Variants in GLIS1 observed in about 807,000 individuals in gnomAD.
GLIS1 encodes GLIS family zinc finger 1, also known as zinc finger protein GLIS1.
A neutral mutation model predicts 63.8 loss-of-function variants in GLIS1; 24 were observed. That is an observed-to-expected ratio of 0.38 (90% CI 0.27 to 0.53). The LOEUF is 0.53. Among genes scored for constraint, GLIS1 ranks in the 20% least tolerant of loss-of-function variants. The pLI, the probability that GLIS1 is intolerant of heterozygous loss-of-function variation, is 0.85. For missense variants in GLIS1, 1,036 were observed against 1,074.1 expected (o/e 0.96, Z 0.50); for synonymous variants, 450 against 482.5 (o/e 0.93, Z 0.88).
chr1:53,584,058 A>G (rs893964807), intron 4 of GLIS1, among the ~76,000 whole-genome samples: 1 of 152,132 alleles, frequency 6.6e-6, no homozygotes, highest in African/African-American at 2.4e-5. Context: ...AGGCCGGTGG[A>G]TCTGTGGAAG....
intron 2 of GLIS1, among the ~76,000 whole-genome samples, chr1:53,634,159 C>T (rs141932687): frequency 6.6e-6 from 1 of 152,088 alleles, no homozygotes; most frequent in African/African-American, 2.4e-5. Context: ...CATCAGGAGC[C>T]GGATGCTGGT....
rs201012924 is a variant in GLIS1, at chr1:53,677,764, TC to T, written c.259+60041del. Among the ~76,000 whole-genome samples, 1,008 of 152,258 alleles carry T rather than the reference TC, an allele frequency of 6.6e-3. 5 individuals are homozygous for T. Among genetic ancestry groups the T allele is most frequent in the Non-Finnish European group, 9.8e-3 (664 of 68,004 alleles). On this transcript the variant is annotated intron_variant, in intron 2 of 10. Coordinates refer to ENST00000628545, the MANE Select transcript of GLIS1 (RefSeq NM_001367484.1). Reference sequence around the variant, plus strand: ...GGGATCTGCCGTGCCTCCTCACCTCTCCCTGCTTCTCTGTCATCACCTCAAG... The same window carrying T: ...GGGATCTGCCGTGCCTCCTCACCTCTCCTGCTTCTCTGTCATCACCTCAAG...
chr1:53,616,753 G>A (rs142789668), intron 2 of GLIS1, among the ~76,000 whole-genome samples: 56 of 152,274 alleles, frequency 3.7e-4, no homozygotes, highest in Middle Eastern at 6.8e-3. Flanking sequence ...AGCTCTCCAG[G>A]AACGGGCACA....
At chr1:53,732,217 T>C (rs1356843986) in intron 2 of GLIS1, among the ~76,000 whole-genome samples, 1 of 152,210 alleles carries the variant, frequency 6.6e-6, no homozygotes, top group African/African-American at 2.4e-5. Flanking sequence ...GGAATAATCC[T>C]TTGGAGTTTA....
intron 2 of GLIS1, among the ~76,000 whole-genome samples, chr1:53,690,071 T>C (rs1175317912): frequency 6.6e-6 from 1 of 152,236 alleles, no homozygotes; most frequent in African/African-American, 2.4e-5. Flanking sequence ...TGATACCTGG[T>C]GGCCTGCCCC....
intron 10 of GLIS1, 71 bp from the exon 11 acceptor site, chr1:53,506,847 A>G: frequency 6.9e-7 from 1 of 1,457,858 alleles, no homozygotes; most frequent in Non-Finnish European, 9.3e-7. Context: ...TCCCAGTTCC[A>G]GGCCCCACCC....
chr1:53,626,392 AC>A (rs1422222674), intron 2 of GLIS1, among the ~76,000 whole-genome samples: 1 of 151,786 alleles, frequency 6.6e-6, no homozygotes, highest in East Asian at 1.9e-4. Flanking sequence ...CATCTCAGGA[AC>A]CCCCTTCTGC....
rs974187273 is a variant in GLIS1, at chr1:53,560,497, C to A, written c.1321-30545G>T. Among the ~76,000 whole-genome samples the A allele has an allele frequency of 1.3e-5, 2 of 152,244 alleles. No homozygotes were observed. Among genetic ancestry groups the A allele is most frequent in the Admixed American group, 1.3e-4 (2 of 15,288 alleles). ...ACACGGAGCAAATATCTGTTTCCCC[C>A]TGGTGCCCACCAGTTAACCCTTCGT... On this transcript the variant is annotated intron_variant, in intron 4 of 10. Coordinates refer to ENST00000628545, the MANE Select transcript of GLIS1 (RefSeq NM_001367484.1). This position sits in a 1 kb window ranked among gnomAD's most constrained non-coding sequence, Gnocchi z 4.4.
chr1:53,643,942 T>G (rs983403734), intron 2 of GLIS1, among the ~76,000 whole-genome samples: 4 of 152,174 alleles, frequency 2.6e-5, no homozygotes, highest in African/African-American at 9.7e-5. Flanking sequence ...CTCTCTGTAA[T>G]CCAGTGAGCT....
intron 2 of GLIS1, among the ~76,000 whole-genome samples, chr1:53,637,071 C>G (rs548700054): frequency 3.9e-5 from 6 of 151,926 alleles, no homozygotes; most frequent in Non-Finnish European, 7.4e-5. Context: ...GGCCTTCCCA[C>G]TCACCAACAT....
At position 53,721,151 on chromosome 1, in the gene GLIS1, G is replaced by GA. The variant is rs145260712; in HGVS notation, c.259+16654dup. On this transcript the variant is annotated intron_variant, in intron 2 of 10. Coordinates refer to ENST00000628545, the MANE Select transcript of GLIS1 (RefSeq NM_001367484.1). Reference sequence around the variant, plus strand: ...AAATCATGTATTGAATGACTGAAAGGAAAAAAAAAGAGAACTAAATCTTCA... The same window carrying GA: ...AAATCATGTATTGAATGACTGAAAGGAAAAAAAAAAGAGAACTAAATCTTCA... Among the ~76,000 whole-genome samples the GA allele has an allele frequency of 4.9e-3, 736 of 149,324 alleles. 1 individual carries two copies. The highest frequency in any genetic ancestry group is 8.3e-3 in the African/African-American group (339 of 40,790).
chr1:53,553,738 T>C (rs1260255574), intron 4 of GLIS1, among the ~76,000 whole-genome samples: 1 of 132,114 alleles, frequency 7.6e-6, no homozygotes, highest in East Asian at 2.0e-4. Context: ...CTCATCCTTC[T>C]CAGGAGCTAC....
chr1:53,520,481 C>G (rs1011752049), intron 7 of GLIS1, among the ~76,000 whole-genome samples, 153 bp downstream of exon 7: 2 of 152,246 alleles, frequency 1.3e-5, no homozygotes, highest in African/African-American at 4.8e-5. Context: ...AAGTAGGGAA[C>G]CAGAGGCAGA....
intron 2 of GLIS1, among the ~76,000 whole-genome samples, chr1:53,606,655 C>T (rs1557477723): frequency 6.6e-6 from 1 of 152,234 alleles, no homozygotes; most frequent in Non-Finnish European, 1.5e-5. Flanking sequence ...AGAGGAGCAG[C>T]AGGAAGGTGG....
intron 5 of GLIS1, among the ~76,000 whole-genome samples, chr1:53,527,381 A>G (rs1644481434): frequency 1.3e-5 from 2 of 152,210 alleles, no homozygotes; most frequent in South Asian, 4.1e-4. Flanking sequence ...GTGCCCAATC[A>G]GTAAGAGGAC....
At chr1:53,557,783 C>T (rs184309096) in intron 4 of GLIS1, among the ~76,000 whole-genome samples, 74 of 152,314 alleles carry the variant, frequency 4.9e-4, no homozygotes, top group Non-Finnish European at 8.1e-4. Context: ...AAATGAAGCA[C>T]GTTATAGTAC....
intron 4 of GLIS1, among the ~76,000 whole-genome samples, chr1:53,554,623 G>C (rs1644798367): frequency 6.6e-6 from 1 of 152,124 alleles, no homozygotes; most frequent in African/African-American, 2.4e-5. Context: ...GGAGCCCTGA[G>C]TCCATATTGC....
rs1557500069 is a variant in GLIS1, at chr1:53,646,594, G to C, written c.260-46316C>G. Among the ~76,000 whole-genome samples, 2 of 152,194 alleles carry C rather than the reference G, an allele frequency of 1.3e-5. No homozygotes were observed. Among genetic ancestry groups the C allele is most frequent in the Non-Finnish European group, 2.9e-5 (2 of 68,038 alleles). On this transcript the variant is annotated intron_variant, in intron 2 of 10. Coordinates refer to ENST00000628545, the MANE Select transcript of GLIS1 (RefSeq NM_001367484.1). The surrounding 1 kb of genome is among the most constrained non-coding windows in gnomAD (Gnocchi z 4.2). ...GGAGGCTAAGGTGGGTGGATCAGTT[G>C]AGGTCAGGAGTTTGAGACCAGCCTG...
At chr1:53,629,742 A>G (rs1645632250) in intron 2 of GLIS1, among the ~76,000 whole-genome samples, 1 of 152,122 alleles carries the variant, frequency 6.6e-6, no homozygotes, top group Non-Finnish European at 1.5e-5. Flanking sequence ...TTTTCTTCTC[A>G]GCACACACAC....
Sources: gnomAD v4.1 joint callset for allele counts (sites outside exome capture counted in the v4.1 genomes callset) on GRCh38, gnomAD v4.1.1 for gene constraint, Gnocchi (gnomAD v3.1) non-coding constraint, MANE v1.5 for transcripts, NCBI Gene and HGNC (gene_info 2026-07-23, HGNC 2026-07-21) for gene names.